The following PACRG variants were observed in gnomAD, a reference collection of about 807,000 sequenced individuals.
PACRG encodes parkin coregulated gene protein.
Under a neutral mutation model 29.7 loss-of-function variants are expected in PACRG, and 29 were observed. That is an observed-to-expected ratio of 0.98 (90% CI 0.73 to 1.33). The LOEUF (loss-of-function observed/expected upper bound fraction) is 1.33. Among genes scored for constraint, PACRG ranks in the 40% most tolerant of loss-of-function variants. PACRG has a pLI of 0.00. For missense variants in PACRG, 279 were observed against 316.2 expected, an observed-to-expected ratio of 0.88 and a Z score of 0.89; for synonymous variants, 116 against 118.7, an observed-to-expected ratio of 0.98 and a Z score of 0.15.
At chr6:162,874,257 T>A (rs1392932182) in intron 2 of PACRG, among the ~76,000 whole-genome samples, 3 of 151,910 alleles carry the variant, frequency 2.0e-5, no homozygotes, top group South Asian at 4.1e-4. Context: ...TGAGATGGCT[T>A]AAAGAACTTT....
At chr6:162,827,408 A>G (rs1331814687) in intron 2 of PACRG, among the ~76,000 whole-genome samples, 1 of 152,222 alleles carries the variant, frequency 6.6e-6, no homozygotes, top group Non-Finnish European at 1.5e-5. Flanking sequence ...TGACTGTACT[A>G]TTGCAGAAAT....
At position 163,249,015 on chromosome 6, in the gene PACRG, C is replaced by CA. The variant is rs57866351; in HGVS notation, c.614-65789dup. 8.8e-3 allele frequency among the ~76,000 whole-genome samples: 941 copies of CA among 106,990 alleles called. 4 individuals are homozygous for CA. Among genetic ancestry groups the CA allele is most frequent in the Middle Eastern group, 0.015 (3 of 204 alleles). 70.2% of individuals were successfully genotyped at this position (106,990 alleles called of 152,430 possible). On this transcript the variant is annotated intron_variant, in intron 4 of 4. Transcript: ENST00000366888. The stretch of plus-strand genomic sequence containing the variant: ...TGGGCAAGAGAGCGAGACTCTGTCT[C>CA]AAAAAAAAAAAAAAAAAAAAAAAGA...
chr6:163,119,721 ACTT>A (rs1338678532), intron 4 of PACRG, among the ~76,000 whole-genome samples: 1 of 152,202 alleles, frequency 6.6e-6, no homozygotes, highest in African/African-American at 2.4e-5. Context: ...CATAAAAACC[ACTT>A]CTTGTAACAT....
At chr6:162,829,590 A>T (rs993952052) in intron 2 of PACRG, among the ~76,000 whole-genome samples, 1 of 152,236 alleles carries the variant, frequency 6.6e-6, no homozygotes, top group Non-Finnish European at 1.5e-5. Context: ...TTGGTGAACG[A>T]TGAACTGCAT....
intron 4 of PACRG, among the ~76,000 whole-genome samples, chr6:163,306,123 AT>A (rs1470109973): frequency 6.6e-6 from 1 of 152,230 alleles, no homozygotes; most frequent in Non-Finnish European, 1.5e-5. Context: ...AAGGGGAATA[AT>A]AATAGTATTT....
intron 2 of PACRG, among the ~76,000 whole-genome samples, chr6:162,987,180 C>T (rs184659018): frequency 2.9e-4 from 44 of 152,230 alleles, no homozygotes; most frequent in African/African-American, 1.1e-3. Flanking sequence ...CTCAAGTCTG[C>T]TCTTCAGATT....
At chr6:162,977,982 A>G (rs1467880821) in intron 2 of PACRG, among the ~76,000 whole-genome samples, 1 of 150,696 alleles carries the variant, frequency 6.6e-6, no homozygotes. Context: ...CATCTCTACT[A>G]AAAATACAAA....
chr6:163,292,728 A>T (rs12332895), intron 4 of PACRG, among the ~76,000 whole-genome samples: 1 of 151,992 alleles, frequency 6.6e-6, no homozygotes, highest in Non-Finnish European at 1.5e-5. Flanking sequence ...CCAGTCCCCA[A>T]TGGTTGTTTT....
intron 2 of PACRG, among the ~76,000 whole-genome samples, chr6:162,951,589 C>G (rs1229817697): frequency 6.6e-6 from 1 of 152,212 alleles, no homozygotes; most frequent in Non-Finnish European, 1.5e-5. Flanking sequence ...AACAGAGTAC[C>G]TGACCACTCC....
At chr6:162,873,210 G>A (rs773022515) in intron 2 of PACRG, among the ~76,000 whole-genome samples, 2 of 151,966 alleles carry the variant, frequency 1.3e-5, no homozygotes, top group Non-Finnish European at 2.9e-5. Flanking sequence ...TTCTGTTTGT[G>A]TGTGTGTGTG....
chr6:163,252,559 G>T (rs188272205), intron 4 of PACRG, among the ~76,000 whole-genome samples: 1 of 152,188 alleles, frequency 6.6e-6, no homozygotes, highest in East Asian at 1.9e-4. Context: ...AGTGCTGCAG[G>T]CGGGGCTCAC....
At chr6:162,986,238 G>C (rs191498589) in intron 2 of PACRG, among the ~76,000 whole-genome samples, 45 of 152,042 alleles carry the variant, frequency 3.0e-4, no homozygotes, top group Admixed American at 2.9e-3. Flanking sequence ...AACCAAAAAA[G>C]ATCCCACATA....
chr6:162,837,630 C>T (rs139378296), intron 2 of PACRG, among the ~76,000 whole-genome samples: 15 of 152,284 alleles, frequency 9.9e-5, no homozygotes, highest in Middle Eastern at 3.4e-3. Flanking sequence ...AATCAAATGA[C>T]ATTTTCCAAT....
chr6:162,764,615 G>A (rs1400845930), intron 1 of PACRG, among the ~76,000 whole-genome samples: 1 of 151,746 alleles, frequency 6.6e-6, no homozygotes, highest in Non-Finnish European at 1.5e-5. Context: ...AAAACTAATT[G>A]TTCTTCCCAT....
intron 2 of PACRG, among the ~76,000 whole-genome samples, chr6:162,886,511 G>A (rs1350387852): frequency 6.6e-6 from 1 of 152,194 alleles, no homozygotes; most frequent in African/African-American, 2.4e-5. Flanking sequence ...AGATCTGTCT[G>A]TTCATTAACC....
chr6:163,211,818 G>T (rs1011899912), intron 4 of PACRG, among the ~76,000 whole-genome samples: 1 of 152,110 alleles, frequency 6.6e-6, no homozygotes, highest in Non-Finnish European at 1.5e-5. Flanking sequence ...ATGAGGGGAG[G>T]GTAGCATAAT....
At chr6:162,737,203 T>C (rs1309618150) in intron 1 of PACRG, among the ~76,000 whole-genome samples, 3 of 152,212 alleles carry the variant, frequency 2.0e-5, no homozygotes, top group Non-Finnish European at 4.4e-5. Flanking sequence ...CCTTGCCTGC[T>C]GTCTACCTCC....
chr6:163,156,877 GTGCCTCACTC>G (rs1778343423), intron 4 of PACRG, among the ~76,000 whole-genome samples: 1 of 152,074 alleles, frequency 6.6e-6, no homozygotes, highest in Non-Finnish European at 1.5e-5. Context: ...CTGTCATCTT[GTGCCTCACTC>G]TGCCAGTTTA....
chr6:162,741,023 T>G (rs1780550446), intron 1 of PACRG, among the ~76,000 whole-genome samples: 1 of 152,194 alleles, frequency 6.6e-6, no homozygotes, highest in Non-Finnish European at 1.5e-5. Context: ...CTTCAGTCTG[T>G]TAACGTTAAT....
Sources: gnomAD v4.1 joint callset for allele counts (sites outside exome capture counted in the v4.1 genomes callset) on GRCh38, gnomAD v4.1.1 for gene constraint, MANE v1.5 for transcripts, NCBI Gene and HGNC (gene_info 2026-07-23, HGNC 2026-07-21) for gene names.